Variants in ZPLD1 observed in about 807,000 individuals in gnomAD.
ZPLD1 encodes the protein zona pellucida-like domain-containing protein 1.
A neutral mutation model predicts 47.2 loss-of-function variants in ZPLD1; 34 were observed. The observed-to-expected ratio is 0.72, with a 90% CI of 0.55 to 0.96. The LOEUF (loss-of-function observed/expected upper bound fraction) is 0.96. ZPLD1 is among the 40% of genes least tolerant of loss of function. The probability of loss-of-function intolerance (pLI) is 0.00; values close to 1 mark genes in which losing one functional copy is unlikely to be tolerated. For missense variants in ZPLD1, 512 were observed against 505.8 expected (o/e 1.01, Z -0.12); for synonymous variants, 176 against 186.2 (o/e 0.95, Z 0.45).
At chr3:102,403,208 G>A (rs1375828874) in intron 7 of ZPLD1, among the ~76,000 whole-genome samples, 5 of 151,748 alleles carry the variant, frequency 3.3e-5, no homozygotes, top group South Asian at 4.2e-4. Context: ...TTGTGGATGC[G>A]ATATATTCTG....
intron 6 of ZPLD1, among the ~76,000 whole-genome samples, chr3:102,386,132 AG>A (rs1706422110): frequency 6.6e-6 from 1 of 152,192 alleles, no homozygotes; most frequent in African/African-American, 2.4e-5. Flanking sequence ...AAATTACCCA[AG>A]AAATGCTGGA....
chr3:102,459,089 CAAAAAAAAAAAAA>C lies in ZPLD1; in HGVS notation c.582+1254_582+1266del, dbSNP rs767071660. On this transcript the variant is annotated intron_variant, in intron 6 of 11. Coordinates refer to ENST00000466937, the MANE Select transcript of ZPLD1 (RefSeq NM_001329788.2). Reference sequence around the variant, plus strand: ...TGGGAGACAGAGCGAGACTCCGTCTCAAAAAAAAAAAAAAAAAAAAAAAAAAAAAAGGAAGCTG... The same window carrying C: ...TGGGAGACAGAGCGAGACTCCGTCTCAAAAAAAAAAAAAAAAAGGAAGCTG... Among the ~76,000 whole-genome samples, 89 of 25,854 alleles carry C rather than the reference CAAAAAAAAAAAAA, an allele frequency of 3.4e-3. 1 individual carries two copies. The highest frequency in any genetic ancestry group is 9.0e-3 in the African/African-American group (81 of 8,972). The allele number at this position is 25,854 out of a possible 152,430, so 17.0% of individuals were successfully genotyped here.
chr3:102,443,281 T>C (rs1707208971), intron 3 of ZPLD1, among the ~76,000 whole-genome samples: 1 of 152,120 alleles, frequency 6.6e-6, no homozygotes, highest in South Asian at 2.1e-4. Context: ...ATAATACTAA[T>C]AAGGAAACAA....
intron 8 of ZPLD1, among the ~76,000 whole-genome samples, chr3:102,466,919 A>G (rs1014355259): frequency 6.6e-6 from 1 of 152,040 alleles, no homozygotes; most frequent in African/African-American, 2.4e-5. Flanking sequence ...TAAAAATATA[A>G]TCCAGGAACA....
intron 7 of ZPLD1, among the ~76,000 whole-genome samples, chr3:102,399,455 C>A (rs1706594845): frequency 6.6e-6 from 1 of 151,992 alleles, no homozygotes; most frequent in East Asian, 1.9e-4. Flanking sequence ...TCACCTAAGG[C>A]TTTTATGTTC....
intron 8 of ZPLD1, among the ~76,000 whole-genome samples, chr3:102,423,630 A>G (rs901778942): frequency 1.3e-5 from 2 of 152,120 alleles, no homozygotes; most frequent in Admixed American, 6.6e-5. Flanking sequence ...CTAAGCATAC[A>G]CTAACTTTCA....
intron 10 of ZPLD1, among the ~76,000 whole-genome samples, chr3:102,471,561 TAC>T (rs1007060332): frequency 6.6e-6 from 1 of 152,066 alleles, no homozygotes; most frequent in Admixed American, 6.6e-5. Context: ...CCTACACACA[TAC>T]ACACACACAA....
intron 10 of ZPLD1, among the ~76,000 whole-genome samples, chr3:102,475,187 C>T (rs1433861889): frequency 2.0e-5 from 3 of 152,058 alleles, no homozygotes; most frequent in Admixed American, 6.6e-5. Flanking sequence ...TGGATTTTGT[C>T]GTTCCAGTCT....
rs1264083342 is a variant in ZPLD1 at position 102,456,327 on chromosome 3, T to C, written c.462T>C (p.Ser154=). 1 of 1,613,616 alleles carries C rather than the reference T, an allele frequency of 6.2e-7. No homozygotes were observed. The highest frequency in any genetic ancestry group is 8.5e-7 in the Non-Finnish European group (1 of 1,179,820). Residue 154 remains serine, a synonymous_variant, in exon 5 of 12, where the codon AGT becomes AGC. Coordinates refer to ENST00000466937, the MANE Select transcript of ZPLD1 (RefSeq NM_001329788.2). ...SYLPGLLYKF[S]CSYPLEYLVN... ...TACCTGGGCTTCTTTACAAATTTAG[T>C]TGTAGTTATCCATTGGAATACCTGG...
chr3:102,395,306 A>G (rs897403055), intron 7 of ZPLD1, among the ~76,000 whole-genome samples: 5 of 152,178 alleles, frequency 3.3e-5, no homozygotes, highest in Non-Finnish European at 5.9e-5. Context: ...GTAAATAATT[A>G]GCAGATGTGA....
intron 4 of ZPLD1, among the ~76,000 whole-genome samples, chr3:102,454,315 A>C (rs1229241067): frequency 1.3e-5 from 2 of 152,144 alleles, no homozygotes; most frequent in African/African-American, 2.4e-5. Flanking sequence ...GAGGTTATGA[A>C]GTGGACCTAA....
intron 4 of ZPLD1, among the ~76,000 whole-genome samples, chr3:102,453,418 T>C (rs755500144): frequency 3.3e-5 from 5 of 152,202 alleles, no homozygotes; most frequent in Non-Finnish European, 5.9e-5. Flanking sequence ...GATCTGTCTC[T>C]ACAGTTTAGC....
At chr3:102,465,814 G>A (rs1347058310) in intron 8 of ZPLD1, among the ~76,000 whole-genome samples, 2 of 152,180 alleles carry the variant, frequency 1.3e-5, no homozygotes, top group Non-Finnish European at 2.9e-5. Flanking sequence ...GTAAATGCTA[G>A]TGTTGGTGAA....
At chr3:102,448,939 A>G (rs1002018958) in intron 3 of ZPLD1, among the ~76,000 whole-genome samples, 4 of 152,322 alleles carry the variant, frequency 2.6e-5, no homozygotes, top group African/African-American at 9.6e-5. Context: ...ACCAAGCATA[A>G]AGTGAAGTTG....
At chr3:102,409,074 A>G (rs1337821561) in intron 7 of ZPLD1, among the ~76,000 whole-genome samples, 2 of 151,838 alleles carry the variant, frequency 1.3e-5, no homozygotes, top group Non-Finnish European at 2.9e-5. Context: ...ATTTATACAC[A>G]ATAGGAGTTT....
At chr3:102,441,596 C>A (rs1367819843) in intron 3 of ZPLD1, among the ~76,000 whole-genome samples, 1 of 152,150 alleles carries the variant, frequency 6.6e-6, no homozygotes, top group Non-Finnish European at 1.5e-5. Context: ...GAAATCCTCT[C>A]TGCCTAGGTA....
chr3:102,386,404 A>T (rs912365682), intron 6 of ZPLD1, among the ~76,000 whole-genome samples: 1 of 152,050 alleles, frequency 6.6e-6, no homozygotes, highest in Non-Finnish European at 1.5e-5. Flanking sequence ...TACATTTCTA[A>T]GAATACACTT....
chr3:102,476,401 A>C (rs1393119947), intron 10 of ZPLD1, among the ~76,000 whole-genome samples: 2 of 152,150 alleles, frequency 1.3e-5, no homozygotes, highest in Non-Finnish European at 2.9e-5. Flanking sequence ...GGCAGGGAAA[A>C]GTCAAAAATC....
At chr3:102,439,409 C>T (rs1464076851) in intron 3 of ZPLD1, among the ~76,000 whole-genome samples, 1 of 152,068 alleles carries the variant, frequency 6.6e-6, no homozygotes, top group Non-Finnish European at 1.5e-5. Context: ...CAACAGAGCC[C>T]ACATCAGAAA....
Sources: gnomAD v4.1 joint callset for allele counts (sites outside exome capture counted in the v4.1 genomes callset) on GRCh38, gnomAD v4.1.1 for gene constraint, MANE v1.5 for transcripts, NCBI Gene and HGNC (gene_info 2026-07-23, HGNC 2026-07-21) for gene names.